The following CSNK2A2 variants were observed in gnomAD, a reference collection of about 807,000 sequenced individuals.
CSNK2A2 encodes the protein casein kinase 2 alpha 2, also known as casein kinase II subunit alpha'.
A neutral mutation model predicts 54.0 loss-of-function variants in CSNK2A2; 8 were observed. That is an observed-to-expected ratio of 0.15 (90% CI 0.09 to 0.27). The LOEUF (loss-of-function observed/expected upper bound fraction) is 0.27, where lower values mean the gene tolerates loss of function less well. Ranked by LOEUF, CSNK2A2 falls within the 10% of genes least tolerant of loss-of-function variation. The pLI is 1.00. For missense variants in CSNK2A2, 242 were observed against 439.4 expected, an observed-to-expected ratio of 0.55 and a Z score of 4.02; for synonymous variants, 141 against 153.9, an observed-to-expected ratio of 0.92 and a Z score of 0.62.
Position 58,183,302 on chromosome 16 carries a change from G to A in CSNK2A2, c.369+958C>T, listed in dbSNP as rs550994297. Among the ~76,000 whole-genome samples, 12 of 151,788 alleles carry A rather than the reference G, an allele frequency of 7.9e-5. No homozygotes were observed. In the East Asian group the frequency reaches 9.7e-4, roughly 12 times the overall value. ...TGAGGCAGGAGAATCGCTTGAACCCGGGAGACAGAGGTTGCAGTGAGCCAA... is the reference window on the plus strand; with the variant it reads ...TGAGGCAGGAGAATCGCTTGAACCCAGGAGACAGAGGTTGCAGTGAGCCAA... On this transcript the variant is annotated intron_variant, in intron 4 of 11. Transcript: ENST00000262506.
intron 4 of CSNK2A2, among the ~76,000 whole-genome samples, chr16:58,179,590 G>A (rs1961973975): frequency 6.6e-6 from 1 of 151,992 alleles, no homozygotes. Context: ...GGTAAATCTA[G>A]GTGAAGAATA....
At chr16:58,174,999 G>A (rs1961838886) in intron 4 of CSNK2A2, among the ~76,000 whole-genome samples, 1 of 152,074 alleles carries the variant, frequency 6.6e-6, no homozygotes, top group Admixed American at 6.6e-5. Context: ...AGAAAAATAA[G>A]GAAAAAGGAG....
At chr16:58,196,198 T>C (rs1597128771) in intron 2 of CSNK2A2, among the ~76,000 whole-genome samples, 1 of 152,360 alleles carries the variant, frequency 6.6e-6, no homozygotes, top group East Asian at 1.9e-4. Flanking sequence ...TTTAGGGAAT[T>C]TACATTTTAG....
chr16:58,179,052 A>G (rs1961955313), intron 4 of CSNK2A2, among the ~76,000 whole-genome samples: 1 of 152,196 alleles, frequency 6.6e-6, no homozygotes, highest in South Asian at 2.1e-4. Context: ...AGATGGCATT[A>G]TTGTATAAAT....
chr16:58,181,372 G>C lies in CSNK2A2; in HGVS notation c.369+2888C>G, dbSNP rs571667148. On this transcript the variant is annotated intron_variant, in intron 4 of 11. Transcript: ENST00000262506. ...GTTTAAGATGCCACACTGAAAAGGG[G>C]AGACTTAGGTGAAGTCTGCACAACA... Among the ~76,000 whole-genome samples, 21 of 152,320 alleles carry C rather than the reference G, an allele frequency of 1.4e-4. 1 individual carries two copies. Among genetic ancestry groups the C allele is most frequent in the African/African-American group, 5.1e-4 (21 of 41,576 alleles).
rs1961540598 is a variant in CSNK2A2 at position 58,165,542 on chromosome 16, C to T, written c.976+18G>A. ...TCTTGACTGAATTACTCCCTGAACACAGTCCCTGGAGACTCACAGAAGTAT... is the reference window on the plus strand; with the variant it reads ...TCTTGACTGAATTACTCCCTGAACATAGTCCCTGGAGACTCACAGAAGTAT... On this transcript the variant is annotated intron_variant, in intron 10 of 11. Transcript: ENST00000262506. 1 of 1,595,818 alleles carries T rather than the reference C, an allele frequency of 6.3e-7. No homozygotes were observed. The highest frequency in any genetic ancestry group is 1.4e-5 in the African/African-American group (1 of 74,010).
chr16:58,162,103 A>C (rs1961396939), intron 11 of CSNK2A2: 4 of 151,482 alleles, frequency 2.6e-5, no homozygotes, highest in Admixed American at 2.0e-4. Context: ...GGGAGGGCTG[A>C]GGAGTGGGGT....
intron 11 of CSNK2A2, chr16:58,161,535 AC>A (rs1420025240): frequency 1.4e-5 from 2 of 139,280 alleles, no homozygotes; most frequent in Admixed American, 1.5e-4. Context: ...AGACACACAC[AC>A]AGACACACAC....
chr16:58,166,812 G>C, intron 8 of CSNK2A2, 128 bp from the exon 9 acceptor site: 1 of 658,586 alleles, frequency 1.5e-6, no homozygotes, highest in Non-Finnish European at 2.7e-6. Context: ...ACAAACCCAG[G>C]TCCAGGGCAG....
At chr16:58,186,878 A>G (rs779171112) in intron 2 of CSNK2A2, 22 bp from the exon 3 acceptor site, 1 of 1,564,022 alleles carries the variant, frequency 6.4e-7, no homozygotes, top group Admixed American at 1.7e-5. Context: ...AAGAGTAATC[A>G]GAAGTGAGAC....
chr16:58,196,627 A>G, intron 2 of CSNK2A2, 106 bp downstream of exon 2: 1 of 777,728 alleles, frequency 1.3e-6, no homozygotes, highest in Non-Finnish European at 2.3e-6. Context: ...AATAAATTAA[A>G]TTAAATTCAA....
rs140208730 is a variant in CSNK2A2, at chr16:58,187,246, A to G, written c.217-390T>C. 4.0e-3 allele frequency among the ~76,000 whole-genome samples: 605 copies of G among 151,952 alleles called. 5 individuals carry two copies. Among genetic ancestry groups the G allele is most frequent in the Admixed American group, 9.1e-3 (138 of 15,220 alleles). On this transcript the variant is annotated intron_variant, in intron 2 of 11. Transcript: ENST00000262506. ...GGAAAAACTGAAACAAAATGGTGAG[A>G]CACCTGCTCTTCCAATGAGTTACAT...
chr16:58,187,562 C>T (rs902042315), intron 2 of CSNK2A2, among the ~76,000 whole-genome samples: 1 of 152,194 alleles, frequency 6.6e-6, no homozygotes, highest in African/African-American at 2.4e-5. Flanking sequence ...TCTCATTATA[C>T]ATATTACTCC....
At chr16:58,181,318 AAC>A (rs1240220713) in intron 4 of CSNK2A2, among the ~76,000 whole-genome samples, 1 of 152,198 alleles carries the variant, frequency 6.6e-6, no homozygotes, top group African/African-American at 2.4e-5. Context: ...TAAGAGAGGA[AAC>A]AGAGTGCACC....
intron 4 of CSNK2A2, among the ~76,000 whole-genome samples, chr16:58,178,837 A>G (rs1328290964): frequency 6.6e-6 from 1 of 152,232 alleles, no homozygotes; most frequent in Non-Finnish European, 1.5e-5. Context: ...TTGGTATAAC[A>G]AATGATCATG....
intron 2 of CSNK2A2, among the ~76,000 whole-genome samples, chr16:58,195,311 T>C (rs1447816447): frequency 6.6e-6 from 1 of 152,188 alleles, no homozygotes; most frequent in Admixed American, 6.5e-5. Flanking sequence ...ACAAATAACT[T>C]TGCTTTTTCT....
At chr16:58,172,123 A>T (rs1414948041) in intron 5 of CSNK2A2, among the ~76,000 whole-genome samples, 1 of 150,808 alleles carries the variant, frequency 6.6e-6, no homozygotes, top group Non-Finnish European at 1.5e-5. Context: ...GAGTCTGGCC[A>T]GCAACTAAAT....
At chr16:58,159,071 G>A (rs1961240756) in intron 11 of CSNK2A2, 1 of 152,260 alleles carries the variant, frequency 6.6e-6, no homozygotes, top group African/African-American at 2.4e-5. Flanking sequence ...TAAAGGAAGG[G>A]TTCCACTGCG....
Position 58,197,060 on chromosome 16 carries a change from G to C in CSNK2A2, c.105-216C>G. ...TAATTGGTCTCTCCTAACTTGGGAA[G>C]ATGGGGCAGGAAGGCAACGCTCTGA... On this transcript the variant is annotated intron_variant, in intron 1 of 11. Transcript: ENST00000262506. The surrounding 1 kb of genome is among the most constrained non-coding windows in gnomAD (Gnocchi z 4.0). 1.9e-6 allele frequency: 1 copy of C among 522,676 alleles called. No homozygotes were observed. Among genetic ancestry groups the C allele is most frequent in the East Asian group, 3.5e-5 (1 of 28,974 alleles). 32.4% of individuals were successfully genotyped at this position (522,676 alleles called of 1,614,324 possible).
Sources: allele counts gnomAD v4.1 joint callset (sites outside exome capture counted in the v4.1 genomes callset), GRCh38; gene constraint gnomAD v4.1.1; non-coding constraint Gnocchi (gnomAD v3.1); transcripts MANE v1.5; gene names NCBI Gene and HGNC (gene_info 2026-07-23, HGNC 2026-07-21).